NT5C2: variants seen among roughly 807,000 people sequenced by gnomAD.
NT5C2 encodes cytosolic purine 5'-nucleotidase.
In NT5C2, 58 loss-of-function variants were observed where a neutral mutation model predicts 76.1. That is an observed-to-expected ratio of 0.76 (90% CI 0.62 to 0.95). NT5C2 has a LOEUF of 0.95. NT5C2 is among the 40% of genes least tolerant of loss of function. NT5C2 has a pLI of 0.00. For synonymous variants in NT5C2, 229 were observed against 237.4 expected (o/e 0.96, Z 0.32); for missense variants, 478 against 690.3 (o/e 0.69, Z 3.45).
chr10:103,163,773 T>C (rs1218890789), intron 3 of NT5C2, among the ~76,000 whole-genome samples: 2 of 150,830 alleles, frequency 1.3e-5, no homozygotes, highest in Non-Finnish European at 2.9e-5. Context: ...TCCCAGCACT[T>C]TGGGAGGCTG....
intron 6 of NT5C2, among the ~76,000 whole-genome samples, chr10:103,103,888 C>G (rs1349575166): frequency 6.6e-6 from 1 of 152,092 alleles, no homozygotes; most frequent in Non-Finnish European, 1.5e-5. Context: ...GGGTCTTGCT[C>G]TGTTACACAG....
At chr10:103,185,876 TCCA>T (rs2091958076) in intron 1 of NT5C2, among the ~76,000 whole-genome samples, 1 of 152,188 alleles carries the variant, frequency 6.6e-6, no homozygotes, top group South Asian at 2.1e-4. Flanking sequence ...TAAGGTTTAG[TCCA>T]CCTATTTGGT....
intron 1 of NT5C2, among the ~76,000 whole-genome samples, chr10:103,184,221 C>T (rs780131623): frequency 3.9e-5 from 6 of 152,046 alleles, no homozygotes; most frequent in Non-Finnish European, 8.8e-5. Context: ...GCTGGAATTA[C>T]AGGAATGTGC....
chr10:103,102,232 G>A lies in NT5C2; in HGVS notation c.390-906C>T, dbSNP rs140731643. ...AATATAGGCTTGTATAGCAGCAAAT[G>A]GGATCCAAGCAGAGACCTAGAAAAA... On this transcript the variant is annotated intron_variant, in intron 6 of 18. Transcript: ENST00000404739. 9.2e-4 allele frequency among the ~76,000 whole-genome samples: 140 copies of A among 152,178 alleles called. No individual in the cohort carries two copies. The East Asian group carries it at 0.023, about 25-fold the overall frequency.
chr10:103,148,880 G>A (rs1273662469), intron 3 of NT5C2, among the ~76,000 whole-genome samples: 2 of 152,102 alleles, frequency 1.3e-5, no homozygotes, highest in South Asian at 4.2e-4. Context: ...AAGAAAAGGG[G>A]GGAAATTCCA....
chr10:103,097,184 A>C (rs2068414439), intron 11 of NT5C2, 107 bp downstream of exon 11: 2 of 835,430 alleles, frequency 2.4e-6, no homozygotes, highest in South Asian at 4.4e-5. Context: ...ATGAGAAGGC[A>C]AGAAACTATT....
At chr10:103,125,734 A>G (rs2135843692) in intron 4 of NT5C2, among the ~76,000 whole-genome samples, 1 of 152,338 alleles carries the variant, frequency 6.6e-6, no homozygotes, top group Non-Finnish European at 1.5e-5. Flanking sequence ...AAAAACAAGC[A>G]CTGAACAGCC....
chr10:103,147,348 G>C (rs2081653482), intron 3 of NT5C2, among the ~76,000 whole-genome samples: 1 of 152,190 alleles, frequency 6.6e-6, no homozygotes, highest in East Asian at 1.9e-4. Context: ...TGAGCTACTT[G>C]CTATTTCCTA....
At chr10:103,177,627 TC>T (rs34058246) in intron 2 of NT5C2, among the ~76,000 whole-genome samples, 24,848 of 152,118 alleles carry the variant, frequency 0.16, 2,083 homozygotes, top group Middle Eastern at 0.25. Context: ...ACTCAAGTGA[TC>T]CTTCCACCTC....
intron 4 of NT5C2, among the ~76,000 whole-genome samples, chr10:103,119,463 T>C (rs1197302941): frequency 6.6e-6 from 1 of 152,218 alleles, no homozygotes; most frequent in Non-Finnish European, 1.5e-5. Flanking sequence ...ACATATAATC[T>C]GGAAGCCAGT....
intron 3 of NT5C2, among the ~76,000 whole-genome samples, chr10:103,161,328 C>T (rs1235893450): frequency 1.3e-5 from 2 of 152,016 alleles, no homozygotes; most frequent in Admixed American, 1.3e-4. Flanking sequence ...CAGGCATGCA[C>T]CACCATGCCT....
At chr10:103,159,470 C>T (rs1392486543) in intron 3 of NT5C2, among the ~76,000 whole-genome samples, 1 of 151,760 alleles carries the variant, frequency 6.6e-6, no homozygotes, top group Non-Finnish European at 1.5e-5. Flanking sequence ...CATAGCAAGA[C>T]CCCCTTCTCC....
chr10:103,122,299 T>C (rs1327881519), intron 4 of NT5C2, among the ~76,000 whole-genome samples: 1 of 152,264 alleles, frequency 6.6e-6, no homozygotes, highest in Non-Finnish European at 1.5e-5. Flanking sequence ...ACACAGTTTC[T>C]ATCTGTATTC....
chr10:103,093,189 A>G lies in NT5C2; in HGVS notation c.1109T>C (p.Leu370Ser), dbSNP rs1297450948. ...CTCCTGTGCGAGTTCAGGAATCACC[A>G]AAAAAGTTCGCCACCCTTGCCGTTT... ...SKKRQGWRTF[L>S]VIPELAQELH... is the part of the protein sequence containing the mutation. The change falls in exon 15 of 19, where the codon TTG (leucine) becomes TCG (serine). Residue 370 changes from leucine to serine, a missense_variant. Coordinates refer to ENST00000404739, the MANE Select transcript of NT5C2 (RefSeq NM_001351169.2). The G allele has an allele frequency of 1.2e-6, 2 of 1,611,108 alleles. No individual in the cohort carries two copies.
At chr10:103,191,727 C>T (rs2092659121) in intron 1 of NT5C2, among the ~76,000 whole-genome samples, 1 of 152,024 alleles carries the variant, frequency 6.6e-6, no homozygotes, top group South Asian at 2.1e-4. Context: ...CACTCCACCC[C>T]GCGCCCCTCC....
chr10:103,140,356 G>C (rs1372125296), intron 3 of NT5C2, among the ~76,000 whole-genome samples: 2 of 151,736 alleles, frequency 1.3e-5, no homozygotes, highest in Admixed American at 1.3e-4. Context: ...GTTCATCCAT[G>C]GTGTTGCAAA....
At chr10:103,101,175 T>C (rs931693014) in intron 7 of NT5C2, 60 bp downstream of exon 7, 31 of 1,415,586 alleles carry the variant, frequency 2.2e-5, no homozygotes, top group Non-Finnish European at 2.9e-5. Flanking sequence ...CTCCCTTGAA[T>C]ACAGACTAAT....
intron 2 of NT5C2, among the ~76,000 whole-genome samples, chr10:103,180,035 G>C (rs989755780): frequency 5.3e-5 from 8 of 152,122 alleles, no homozygotes; most frequent in Admixed American, 4.6e-4. Flanking sequence ...CCAGAATATA[G>C]GAAGAGCTCT....
intron 13 of NT5C2, 59 bp from the exon 14 acceptor site, chr10:103,094,097 CCCCACAACCCTCCCAT>C: frequency 7.3e-7 from 1 of 1,373,270 alleles, no homozygotes; most frequent in Non-Finnish European, 1.0e-6. Flanking sequence ...CCTCCCCTCA[CCCCACAACCCTCCCAT>C]CCCACCCCCC....
Sources: gnomAD v4.1 joint callset for allele counts (sites outside exome capture counted in the v4.1 genomes callset) on GRCh38, gnomAD v4.1.1 for gene constraint, MANE v1.5 for transcripts, NCBI Gene and HGNC (gene_info 2026-07-23, HGNC 2026-07-21) for gene names.